Variants in URB1 observed in about 807,000 individuals in gnomAD.
URB1 encodes the protein nucleolar pre-ribosomal-associated protein 1.
In URB1, 197 loss-of-function variants were observed where a neutral mutation model predicts 242.3. The ratio of observed to expected loss-of-function variants is 0.81; its 90% CI spans 0.72 to 0.91. URB1 has a LOEUF of 0.91. URB1 is among the 40% of genes least tolerant of loss of function. URB1 has a pLI of 0.00. For missense variants in URB1, 2,721 were observed against 2,860.5 expected (o/e 0.95, Z 1.11); for synonymous variants, 1,153 against 1,201.8 (o/e 0.96, Z 0.84).
intron 9 of URB1, 72 bp from the exon 10 acceptor site, chr21:32,366,827 C>G: frequency 6.7e-7 from 1 of 1,485,476 alleles, no homozygotes; most frequent in Non-Finnish European, 9.1e-7. Context: ...CTGTAGGCAC[C>G]CAAAGGTGAA....
At chr21:32,389,711 A>T (rs1376029152) in intron 1 of URB1, among the ~76,000 whole-genome samples, 1 of 152,228 alleles carries the variant, frequency 6.6e-6, no homozygotes, top group Admixed American at 6.5e-5. Flanking sequence ...GGAGAAGGAG[A>T]TCAAGAGTTT....
At chr21:32,336,608 G>A (rs2032962453) in intron 28 of URB1, among the ~76,000 whole-genome samples, 1 of 152,114 alleles carries the variant, frequency 6.6e-6, no homozygotes, top group Non-Finnish European at 1.5e-5. Flanking sequence ...AAGACTGGGA[G>A]CCCAGGAAAG....
intron 34 of URB1, 61 bp from the exon 35 acceptor site, chr21:32,320,701 A>C: frequency 8.1e-7 from 1 of 1,229,404 alleles, no homozygotes; most frequent in Non-Finnish European, 1.2e-6. Flanking sequence ...TTGATTAAAG[A>C]AACCGTTTTA....
chr21:32,336,549 G>A (rs914932466), intron 28 of URB1, among the ~76,000 whole-genome samples: 1 of 152,176 alleles, frequency 6.6e-6, no homozygotes, highest in Non-Finnish European at 1.5e-5. Context: ...AGGGCCCACA[G>A]GGAAAGGTGT....
At chr21:32,333,249 C>G in intron 30 of URB1, 68 bp downstream of exon 30, 1 of 1,301,634 alleles carries the variant, frequency 7.7e-7, no homozygotes, top group Non-Finnish European at 1.1e-6. Flanking sequence ...GCAATAATTA[C>G]CATAATCAAC....
chr21:32,362,784 T>C (rs1311863188), intron 11 of URB1, among the ~76,000 whole-genome samples: 1 of 152,122 alleles, frequency 6.6e-6, no homozygotes, highest in African/African-American at 2.4e-5. Flanking sequence ...CACAGTGTGG[T>C]CTATGTGTGT....
At chr21:32,361,807 T>TCTGGAGTC in intron 12 of URB1, 85 bp downstream of exon 12, 1 of 1,471,632 alleles carries the variant, frequency 6.8e-7, no homozygotes, top group Non-Finnish European at 9.0e-7. Context: ...TCCAGGACTC[T>TCTGGAGTC]CTGGATAGGA....
chr21:32,376,007 G>C (rs1268066622), intron 5 of URB1, among the ~76,000 whole-genome samples: 1 of 152,018 alleles, frequency 6.6e-6, no homozygotes, highest in Non-Finnish European at 1.5e-5. Context: ...AAGAAATCAA[G>C]AGCACCTACA....
rs1298031468 is a variant in URB1 at position 32,314,577 on chromosome 21, AT to A, written c.*340del. 9 of 1,614,124 alleles carry A rather than the reference AT, an allele frequency of 5.6e-6. No individual in the cohort carries two copies. In the African/African-American group the frequency reaches 1.1e-4, roughly 19 times the overall value. On this transcript the variant is annotated 3_prime_UTR_variant, in exon 39 of 39. Transcript: ENST00000382751. ...TTTAACACAGATGAATCTCTTCTGC[AT>A]TCAGAAGTGCTGCCTCAAACTCGAG...
intron 33 of URB1, 104 bp downstream of exon 33, chr21:32,322,374 G>C: frequency 9.5e-7 from 1 of 1,055,546 alleles, no homozygotes; most frequent in Non-Finnish European, 1.4e-6. Flanking sequence ...AATCGTGTTG[G>C]CCGTGCAGCA....
At chr21:32,377,118 G>C in intron 5 of URB1, 1 of 503,468 alleles carries the variant, frequency 2.0e-6, no homozygotes, top group South Asian at 1.5e-5. Context: ...TATTTCACTG[G>C]GATAAATGAC....
At chr21:32,344,163 T>A (rs1012250462) in intron 24 of URB1, among the ~76,000 whole-genome samples, 2 of 152,146 alleles carry the variant, frequency 1.3e-5, no homozygotes, top group Non-Finnish European at 2.9e-5. Context: ...GATGCAAAAA[T>A]TCTTAATGAA....
intron 32 of URB1, 63 bp downstream of exon 32, chr21:32,324,428 A>G (rs1241553219): frequency 7.4e-6 from 10 of 1,345,560 alleles, no homozygotes; most frequent in Middle Eastern, 1.8e-4. Flanking sequence ...ACTAATCCCT[A>G]GAAGTAGACT....
Position 32,366,638 on chromosome 21 carries a change from T to G in URB1, c.1315A>C (p.Met439Leu), listed in dbSNP as rs528194072. The G allele has an allele frequency of 1.3e-5, 20 of 1,551,352 alleles. No individual in the cohort carries two copies. Among genetic ancestry groups the G allele is most frequent in the Non-Finnish European group, 1.7e-5 (20 of 1,146,822 alleles). Residue 439 changes from methionine to leucine, a missense_variant, in exon 10 of 39, where the codon ATG (methionine) becomes CTG (leucine). Physicochemically the swap from Met to Leu is conservative, Grantham distance 15. Transcript: ENST00000382751. The part of the protein sequence containing the change: ...TTVPLVCNKS[M>L]FTQALNLDST... ...CTTACGTTTAATGCTTGGGTGAACATGCTCTTATTGCACACCAGGGGCACG... is the reference window on the plus strand; with the variant it reads ...CTTACGTTTAATGCTTGGGTGAACAGGCTCTTATTGCACACCAGGGGCACG...
At chr21:32,318,828 C>A (rs1362134766) in intron 36 of URB1, among the ~76,000 whole-genome samples, 2 of 152,124 alleles carry the variant, frequency 1.3e-5, no homozygotes, top group Non-Finnish European at 2.9e-5. Context: ...TTGGGAACAC[C>A]CTGTCTTATG....
Position 32,372,572 on chromosome 21 carries a change from C to T in URB1, c.936G>A (p.Met312Ile), listed in dbSNP as rs1395707619. 1.9e-6 allele frequency: 3 copies of T among 1,551,626 alleles called. No homozygotes were observed. Among genetic ancestry groups the T allele is most frequent in the Non-Finnish European group, 1.7e-6 (2 of 1,146,970 alleles). ...CATGCTTGAGTGAACAGCAAAGATC[C>T]ATCAGGAAGTTATGAACAAGCTCCC... ...MVRELVHNFLMDLCCSLKHGI... is the reference protein window; with the variant it reads ...MVRELVHNFLIDLCCSLKHGI... Residue 312 changes from methionine (M) to isoleucine (I), a missense_variant, in exon 8 of 39, where the codon ATG (methionine) becomes ATA (isoleucine). Physicochemically the swap from Met to Ile is conservative, Grantham distance 10. Coordinates refer to ENST00000382751, the MANE Select transcript of URB1 (RefSeq NM_014825.3).
At chr21:32,322,376 C>T (rs769901072) in intron 33 of URB1, 102 bp downstream of exon 33, 135 of 1,071,432 alleles carry the variant, frequency 1.3e-4, no homozygotes, top group Admixed American at 1.6e-4. Context: ...TCGTGTTGGC[C>T]GTGCAGCATA....
rs1439260445 is a variant in URB1 at position 32,316,875 on chromosome 21, G to A, written c.6225C>T (p.Pro2075=). 2.6e-6 allele frequency: 4 copies of A among 1,551,308 alleles called. No individual in the cohort carries two copies. The highest frequency in any genetic ancestry group is 3.5e-6 in the Non-Finnish European group (4 of 1,146,868). Reference sequence around the variant, plus strand: ...TGGCTGAGTCCACAGGCTCCTGAGTGGGGTCAGGACCAGGGATCACTGGTC... The same window carrying A: ...TGGCTGAGTCCACAGGCTCCTGAGTAGGGTCAGGACCAGGGATCACTGGTC... ...YWRPVIPGPD[P]TQEPVDSASP... is the part of the protein sequence containing the mutation. Residue 2075 remains proline (P), a synonymous_variant, in exon 38 of 39, where the codon CCC becomes CCT. Coordinates refer to ENST00000382751, the MANE Select transcript of URB1 (RefSeq NM_014825.3).
In URB1 at chr21:32,316,829, C is replaced by G. The variant is rs1251266122; in HGVS notation, c.6271G>C (p.Gly2091Arg). Reference protein sequence around the residue: ...DSASPESDAPGPVYAAASLAV... With the variant: ...DSASPESDAPRPVYAAASLAV... ...AGGGAAGCGGCAGCATATACGGGGC[C>G]TGGCGCATCGCTCTCGGGGCTGGCT... The change falls in exon 38 of 39, where the codon GGC (glycine) becomes CGC (arginine). Residue 2091 changes from glycine (G) to arginine (R), a missense_variant. Coordinates refer to ENST00000382751, the MANE Select transcript of URB1 (RefSeq NM_014825.3). 7 of 1,547,954 alleles carry G rather than the reference C, an allele frequency of 4.5e-6. No individual in the cohort carries two copies. The highest frequency in any genetic ancestry group is 2.0e-5 in the Admixed American group (1 of 50,810).
Sources: allele counts gnomAD v4.1 joint callset (sites outside exome capture counted in the v4.1 genomes callset), GRCh38; gene constraint gnomAD v4.1.1; transcripts MANE v1.5; gene names NCBI Gene and HGNC (gene_info 2026-07-23, HGNC 2026-07-21).